The following HTRA1 variants were observed in gnomAD, a reference collection of about 807,000 sequenced individuals.
The protein encoded by HTRA1 is HtrA serine peptidase 1.
In HTRA1, 26 loss-of-function variants were observed where a neutral mutation model predicts 49.7. The ratio of observed to expected loss-of-function variants is 0.52; its 90% confidence interval spans 0.38 to 0.73. HTRA1 has a LOEUF of 0.73. Ranked by LOEUF, HTRA1 falls within the 30% of genes least tolerant of loss-of-function variation. The pLI is 0.00. For synonymous variants in HTRA1, 291 were observed against 286.9 expected (o/e 1.01, Z -0.14); for missense variants, 561 against 667.2 (o/e 0.84, Z 1.75).
At chr10:122,491,696 C>A (rs1661063883) in intron 3 of HTRA1, among the ~76,000 whole-genome samples, 1 of 152,220 alleles carries the variant, frequency 6.6e-6, no homozygotes, top group African/African-American at 2.4e-5. Flanking sequence ...AATAGACGAG[C>A]TTTGCAGAGT....
At chr10:122,462,844 G>C (rs1456474842) in intron 1 of HTRA1, among the ~76,000 whole-genome samples, 2 of 152,210 alleles carry the variant, frequency 1.3e-5, no homozygotes, top group African/African-American at 4.8e-5. Flanking sequence ...GAAGGGACCG[G>C]GTTAGTGATG....
Position 122,508,711 on chromosome 10 carries a change from C to T in HTRA1, c.1061C>T (p.Ala354Val). 6.2e-7 allele frequency: 1 copy of T among 1,614,030 alleles called. No homozygotes were observed. Among genetic ancestry groups the T allele is most frequent in the Non-Finnish European group, 8.5e-7 (1 of 1,179,856 alleles). The part of the protein sequence containing the change: ...TLKVTAGISF[A>V]IPSDKIKKFL... ...AAAGTGACAGCTGGAATCTCCTTTGCAATCCCATCTGATAAGATTAAAAAG... is the reference window on the plus strand; with the variant it reads ...AAAGTGACAGCTGGAATCTCCTTTGTAATCCCATCTGATAAGATTAAAAAG... The change falls in exon 6 of 9, where the codon GCA becomes GTA. Residue 354 changes from alanine to valine, a missense_variant. Ala to Val is a moderately conservative substitution (Grantham distance 64). Coordinates refer to ENST00000368984, the MANE Select transcript of HTRA1 (RefSeq NM_002775.5).
chr10:122,480,806 A>T lies in HTRA1; in HGVS notation c.473-8096A>T, dbSNP rs180910275. ...TTGTACAATTCAGTATACCCTCTTC[A>T]AGAAAAACACCCCTCAAAATTATGA... On this transcript the variant is annotated intron_variant, in intron 1 of 8. Coordinates refer to ENST00000368984, the MANE Select transcript of HTRA1 (RefSeq NM_002775.5). Among the ~76,000 whole-genome samples, 3 of 152,296 alleles carry T rather than the reference A, an allele frequency of 2.0e-5. No individual in the cohort carries two copies. In the East Asian group the frequency reaches 5.8e-4, roughly 29 times the overall value.
intron 1 of HTRA1, among the ~76,000 whole-genome samples, chr10:122,463,380 A>C (rs1288917029): frequency 6.6e-6 from 1 of 152,186 alleles, no homozygotes; most frequent in Non-Finnish European, 1.5e-5. Flanking sequence ...GAGAGAAGTG[A>C]TCCTGCAGAC....
In HTRA1 at chr10:122,488,976, G is replaced by A. The variant is rs1477855514; in HGVS notation, c.547G>A (p.Val183Met). 3.7e-6 allele frequency: 6 copies of A among 1,613,760 alleles called. No individual in the cohort carries two copies. The highest frequency in any genetic ancestry group is 5.1e-6 in the Non-Finnish European group (6 of 1,179,782). ...CGTGGTGGAGAAGATCGCCCCTGCC[G>A]TGGTTCATATCGAATTGTTTCGCAA... ...ADVVEKIAPA[V>M]VHIELFRKLP... is the part of the protein sequence containing the mutation. The change falls in exon 2 of 9, where the codon GTG (valine) becomes ATG (methionine). Residue 183 changes from valine (V) to methionine (M), a missense_variant. Val to Met is a conservative substitution (Grantham distance 21). Transcript: ENST00000368984.
rs1376635010 is a variant in HTRA1 at position 122,461,553 on chromosome 10, A to C, written c.-100A>C. 1 of 577,010 alleles carries C rather than the reference A, an allele frequency of 1.7e-6. No individual in the cohort carries two copies. The highest frequency in any genetic ancestry group is 4.0e-5 in the Admixed American group (1 of 24,970). The allele number at this position is 577,010 out of a possible 1,614,324, so 35.7% of individuals were successfully genotyped here. A position where few individuals can be genotyped will look rare whatever the true frequency, so the allele number is the denominator to read the frequency against. On this transcript the variant is annotated 5_prime_UTR_variant, in exon 1 of 9. Coordinates refer to ENST00000368984, the MANE Select transcript of HTRA1 (RefSeq NM_002775.5). ...TGGGCTGGGCCGCGCGGCCGCGCGC[A>C]CTCGCACCCGCTGCCCCCGAGGCCC...
intron 1 of HTRA1, among the ~76,000 whole-genome samples, chr10:122,463,819 C>T (rs1441644470): frequency 6.6e-6 from 1 of 152,230 alleles, no homozygotes; most frequent in Non-Finnish European, 1.5e-5. Flanking sequence ...CTGTAAATTT[C>T]CTGGTGGGCT....
At position 122,510,010 on chromosome 10, in the gene HTRA1, T is replaced by TG. The variant is rs1448880634; in HGVS notation, c.1121-81dup. 4.3e-6 allele frequency: 5 copies of TG among 1,154,570 alleles called. No individual in the cohort carries two copies. The African/African-American group carries it at 6.1e-5, about 14-fold the overall frequency. The allele number at this position is 1,154,570 out of a possible 1,614,324, so 71.5% of individuals were successfully genotyped here. A position where few individuals can be genotyped will look rare whatever the true frequency, so the allele number is the denominator to read the frequency against. On this transcript the variant is annotated intron_variant, in intron 6 of 8. Coordinates refer to ENST00000368984, the MANE Select transcript of HTRA1 (RefSeq NM_002775.5). ...CCCTTCTGTGGCCCTTCCTGCAACC[T>TG]GGGGGATTGGGCCCCCGGCCCCTGG... is the stretch of plus-strand genomic sequence containing the variant.
intron 8 of HTRA1, among the ~76,000 whole-genome samples, chr10:122,512,754 G>A (rs1361861015): frequency 1.3e-5 from 2 of 152,098 alleles, no homozygotes; most frequent in Non-Finnish European, 2.9e-5. Flanking sequence ...TTGGTTACAT[G>A]AGTAAGTTCT....
At chr10:122,498,395 G>T (rs1182564961) in intron 3 of HTRA1, among the ~76,000 whole-genome samples, 2 of 152,132 alleles carry the variant, frequency 1.3e-5, no homozygotes, top group Non-Finnish European at 2.9e-5. Flanking sequence ...TGCCCATCTG[G>T]CAGATCCTTC....
rs1411330461 is a variant in HTRA1, at chr10:122,486,868, CAGTT to C, written c.473-2033_473-2030del. The stretch of plus-strand genomic sequence containing the variant: ...GAAGTGTGTATAGGTGTTTATGTGA[CAGTT>C]TGTGTGTAAATGTGGGTGTATGTGT... On this transcript the variant is annotated intron_variant, in intron 1 of 8. Transcript: ENST00000368984. Among the ~76,000 whole-genome samples the C allele has an allele frequency of 5.9e-5, 9 of 151,848 alleles. No homozygotes were observed. In the South Asian group the frequency reaches 1.0e-3, roughly 18 times the overall value.
chr10:122,506,576 C>A lies in HTRA1; in HGVS notation c.778-115C>A. On this transcript the variant is annotated intron_variant, in intron 3 of 8. Coordinates refer to ENST00000368984, the MANE Select transcript of HTRA1 (RefSeq NM_002775.5). This position sits in a 1 kb window ranked among gnomAD's most constrained non-coding sequence, Gnocchi z 5.2. The stretch of plus-strand genomic sequence containing the variant: ...GTTGTGAGCTCAGTTCCCCACCGGG[C>A]CTGGTGTTTCCAAATAGCCCGTCAC... 1 of 883,774 alleles carries A rather than the reference C, an allele frequency of 1.1e-6. No homozygotes were observed. The highest frequency in any genetic ancestry group is 1.6e-5 in the African/African-American group (1 of 61,124). The allele number at this position is 883,774 out of a possible 1,614,324, so 54.7% of individuals were successfully genotyped here.
intron 3 of HTRA1, among the ~76,000 whole-genome samples, chr10:122,505,941 T>A (rs941236396): frequency 1.2e-4 from 18 of 152,212 alleles, no homozygotes; most frequent in African/African-American, 4.3e-4. Context: ...CATTTTGTTG[T>A]GCAGAGTTGT....
chr10:122,513,448 C>T (rs2097506508), intron 8 of HTRA1, among the ~76,000 whole-genome samples: 1 of 151,942 alleles, frequency 6.6e-6, no homozygotes, highest in African/African-American at 2.4e-5. Context: ...CATAAAGCCA[C>T]ACAAGTGTTA....
In HTRA1 at chr10:122,461,877, G is replaced by A. The variant is rs940334822; in HGVS notation, c.225G>A (p.Ala75=). ...CEVCGAPEGA[A]CGLQEGPCGE... Reference sequence around the variant, plus strand: ...TGTGCGGCGCGCCCGAGGGCGCCGCGTGCGGCCTGCAGGAGGGCCCGTGCG... The same window carrying A: ...TGTGCGGCGCGCCCGAGGGCGCCGCATGCGGCCTGCAGGAGGGCCCGTGCG... Residue 75 remains alanine (A), a synonymous_variant, in exon 1 of 9, where the codon GCG becomes GCA. Transcript: ENST00000368984. The A allele has an allele frequency of 8.9e-6, 11 of 1,238,112 alleles. No homozygotes were observed. The East Asian group carries it at 3.8e-4, about 43-fold the overall frequency. The allele number at this position is 1,238,112 out of a possible 1,614,324, so 76.7% of individuals were successfully genotyped here. A position where few individuals can be genotyped will look rare whatever the true frequency, so the allele number is the denominator to read the frequency against.
chr10:122,508,577 T>G (rs536077827), intron 5 of HTRA1, 79 bp from the exon 6 acceptor site: 13 of 926,510 alleles, frequency 1.4e-5, no homozygotes, highest in Admixed American at 1.4e-4. Flanking sequence ...AGGGACTTCT[T>G]TCAGGCATAT....
intron 4 of HTRA1, 141 bp from the exon 5 acceptor site, chr10:122,507,229 A>G (rs1303892538): frequency 4.6e-5 from 35 of 753,720 alleles, no homozygotes; most frequent in Non-Finnish European, 7.3e-5. Context: ...CCGGCAAAAT[A>G]TTAGGTTAAT....
chr10:122,467,944 C>T (rs1425642801), intron 1 of HTRA1, among the ~76,000 whole-genome samples: 6 of 152,162 alleles, frequency 3.9e-5, no homozygotes, highest in African/African-American at 7.2e-5. Flanking sequence ...CAGGACAACA[C>T]GCCTCAGGAC....
intron 8 of HTRA1, among the ~76,000 whole-genome samples, chr10:122,513,677 TA>T (rs200167274): frequency 0.14 from 19,129 of 138,550 alleles, 1,703 homozygotes; most frequent in South Asian, 0.34. Flanking sequence ...AGAACATTAT[TA>T]AAAAAAAAAA....
Sources: gnomAD v4.1 joint callset for allele counts (sites outside exome capture counted in the v4.1 genomes callset) on GRCh38, gnomAD v4.1.1 for gene constraint, Gnocchi (gnomAD v3.1) non-coding constraint, MANE v1.5 for transcripts, NCBI Gene and HGNC (gene_info 2026-07-23, HGNC 2026-07-21) for gene names.